Variants in SLC22A23 observed in about 807,000 individuals in gnomAD.
SLC22A23 encodes solute carrier family 22 member 23.
A neutral mutation model predicts 61.0 loss-of-function variants in SLC22A23; 26 were observed. The observed-to-expected ratio is 0.43, with a 90% CI of 0.31 to 0.59. SLC22A23 has a LOEUF of 0.59. SLC22A23 is among the 20% of genes least tolerant of loss of function. The pLI, the probability that SLC22A23 is intolerant of heterozygous loss-of-function variation, is 0.11. For missense variants in SLC22A23, 796 were observed against 934.7 expected, an observed-to-expected ratio of 0.85 and a Z score of 1.94; for synonymous variants, 430 against 413.9, an observed-to-expected ratio of 1.04 and a Z score of -0.47.
chr6:3,328,246 G>T lies in SLC22A23; in HGVS notation c.914-4244C>A, dbSNP rs1247010603. 6.6e-6 allele frequency among the ~76,000 whole-genome samples: 1 copy of T among 151,836 alleles called. No homozygotes were observed. The highest frequency in any genetic ancestry group is 2.4e-5 in the African/African-American group (1 of 41,284). On this transcript the variant is annotated intron_variant, in intron 3 of 9. Transcript: ENST00000406686. The surrounding 1 kb of genome is among the most constrained non-coding windows in gnomAD (Gnocchi z 5.0). The stretch of plus-strand genomic sequence containing the variant: ...TAGCTGAGACTGAACTGAGGCATTT[G>T]TTTAGTGAATCAACAGGGACCATGA...
chr6:3,277,476 G>A (rs1404090948), intron 9 of SLC22A23, among the ~76,000 whole-genome samples: 3 of 152,096 alleles, frequency 2.0e-5, no homozygotes, highest in African/African-American at 4.8e-5. Flanking sequence ...GAGCCACTAT[G>A]TGCGGGCTCC....
At chr6:3,442,340 C>G (rs1458006274) in intron 1 of SLC22A23, among the ~76,000 whole-genome samples, 1 of 152,164 alleles carries the variant, frequency 6.6e-6, no homozygotes, top group Non-Finnish European at 1.5e-5. Flanking sequence ...GATGATGGTG[C>G]CAGCTGCACA....
In SLC22A23 at chr6:3,320,342, T is replaced by C. The variant is rs112472037; in HGVS notation, c.1082+3492A>G. On this transcript the variant is annotated intron_variant, in intron 4 of 9. Coordinates refer to ENST00000406686, the MANE Select transcript of SLC22A23 (RefSeq NM_015482.2). ...CCAGAAGATCCCTTCTGGCCAGTCC[T>C]CACACGTTTGTCTTTACTGCCCCTA... is the stretch of plus-strand genomic sequence containing the variant. Among the ~76,000 whole-genome samples the C allele has an allele frequency of 1.5e-3, 229 of 152,316 alleles. 2 individuals carry two copies. The highest frequency in any genetic ancestry group is 4.9e-3 in the African/African-American group (203 of 41,566).
At chr6:3,320,763 A>G (rs1437336214) in intron 4 of SLC22A23, among the ~76,000 whole-genome samples, 1 of 152,072 alleles carries the variant, frequency 6.6e-6, no homozygotes, top group East Asian at 1.9e-4. Flanking sequence ...ATTTCTCACC[A>G]CCCACTTTTT....
intron 9 of SLC22A23, 162 bp downstream of exon 9, chr6:3,283,690 G>A (rs1298756671): frequency 1.9e-5 from 25 of 1,296,922 alleles, no homozygotes; most frequent in East Asian, 2.8e-5. Flanking sequence ...TGGGCGCCTC[G>A]GGGTTGGGTC....
chr6:3,287,303 G>A (rs188228534), intron 6 of SLC22A23, among the ~76,000 whole-genome samples: 39 of 152,356 alleles, frequency 2.6e-4, no homozygotes, highest in Admixed American at 6.5e-5. Context: ...TCCTGATGGA[G>A]GTCCAGGCTC....
At chr6:3,336,546 G>A (rs1227983705) in intron 3 of SLC22A23, among the ~76,000 whole-genome samples, 1 of 152,166 alleles carries the variant, frequency 6.6e-6, no homozygotes, top group Non-Finnish European at 1.5e-5. Flanking sequence ...ATAACTCAAT[G>A]TTCCTGGCAA....
At position 3,270,655 on chromosome 6, in the gene SLC22A23, CTT is replaced by C. The variant is rs1383471415; in HGVS notation, c.*2398_*2399del. ...AGGCTGTTTTCCTCAAAGCTAGCCT[CTT>C]TTCCAGTCATCGATGGATTAGTCCT... is the stretch of plus-strand genomic sequence containing the variant. On this transcript the variant is annotated 3_prime_UTR_variant, in exon 10 of 10. Transcript: ENST00000406686. 1 of 152,410 alleles carries C rather than the reference CTT, an allele frequency of 6.6e-6. No individual in the cohort carries two copies. Among genetic ancestry groups the C allele is most frequent in the Non-Finnish European group, 1.5e-5 (1 of 68,060 alleles). 9.4% of individuals were successfully genotyped at this position (152,410 alleles called of 1,614,324 possible).
At position 3,360,145 on chromosome 6, in the gene SLC22A23, T is replaced by C. The variant is rs1765345322; in HGVS notation, c.914-36143A>G. ...GAGTGTTTATTGGGGACAGAGTTTG[T>C]TTGGGAAGATGAAAAGACCTCTAGA... On this transcript the variant is annotated intron_variant, in intron 3 of 9. Transcript: ENST00000406686. The surrounding 1 kb of genome is among the most constrained non-coding windows in gnomAD (Gnocchi z 4.6). Among the ~76,000 whole-genome samples the C allele has an allele frequency of 6.6e-6, 1 of 152,134 alleles. No homozygotes were observed. Among genetic ancestry groups the C allele is most frequent in the Admixed American group, 6.5e-5 (1 of 15,278 alleles).
At chr6:3,406,630 A>C (rs1240294473) in intron 3 of SLC22A23, among the ~76,000 whole-genome samples, 2 of 152,118 alleles carry the variant, frequency 1.3e-5, no homozygotes, top group Non-Finnish European at 2.9e-5. Flanking sequence ...TCAGTGGCTC[A>C]CAAAGGTCTT....
At chr6:3,341,834 A>C (rs1306844606) in intron 3 of SLC22A23, among the ~76,000 whole-genome samples, 1 of 152,198 alleles carries the variant, frequency 6.6e-6, no homozygotes, top group Non-Finnish European at 1.5e-5. Flanking sequence ...AAAATTTCAG[A>C]CTGGGGCCAT....
Position 3,352,967 on chromosome 6 carries a change from G to A in SLC22A23, c.914-28965C>T, listed in dbSNP as rs146664098. On this transcript the variant is annotated intron_variant, in intron 3 of 9. Transcript: ENST00000406686. ...CAGCTTGTCCCAACAGGACTTTGTT[G>A]CTGAGGAACAGGGTCAAAATATGTA... is the stretch of plus-strand genomic sequence containing the variant. 3.3e-5 allele frequency among the ~76,000 whole-genome samples: 5 copies of A among 152,190 alleles called. 1 individual carries two copies. Among genetic ancestry groups the A allele is most frequent in the African/African-American group, 1.2e-4 (5 of 41,520 alleles).
intron 3 of SLC22A23, among the ~76,000 whole-genome samples, chr6:3,402,609 T>C (rs10900940): frequency 0.53 from 70,852 of 134,108 alleles, 18,415 homozygotes; most frequent in African/African-American, 0.72. Context: ...CAATCACCTA[T>C]ACTACCCAGA....
chr6:3,373,235 C>G (rs1766341928), intron 3 of SLC22A23, among the ~76,000 whole-genome samples: 1 of 152,206 alleles, frequency 6.6e-6, no homozygotes, highest in Non-Finnish European at 1.5e-5. Flanking sequence ...GGTAGACAAC[C>G]CTGGACATGT....
In SLC22A23 at chr6:3,328,278, C is replaced by T. The variant is rs1370361772; in HGVS notation, c.914-4276G>A. ...GAATCAACAGGGACCATGACTAAGT[C>T]TGAGCACAGAGGCCGCCCGGAGGCT... is the stretch of plus-strand genomic sequence containing the variant. On this transcript the variant is annotated intron_variant, in intron 3 of 9. Transcript: ENST00000406686. This position sits in a 1 kb window ranked among gnomAD's most constrained non-coding sequence, Gnocchi z 5.0. Among the ~76,000 whole-genome samples the T allele has an allele frequency of 6.6e-6, 1 of 152,014 alleles. No individual in the cohort carries two copies. Among genetic ancestry groups the T allele is most frequent in the Non-Finnish European group, 1.5e-5 (1 of 68,026 alleles).
chr6:3,314,100 T>C (rs962434460), intron 4 of SLC22A23, among the ~76,000 whole-genome samples: 1 of 152,224 alleles, frequency 6.6e-6, no homozygotes, highest in Non-Finnish European at 1.5e-5. Context: ...ATTGATCAGC[T>C]TAACCCATTT....
intron 3 of SLC22A23, among the ~76,000 whole-genome samples, chr6:3,391,242 C>T (rs1006712606): frequency 6.6e-6 from 1 of 152,224 alleles, no homozygotes; most frequent in African/African-American, 2.4e-5. Context: ...TTTATTCTTG[C>T]TGATATCAAT....
chr6:3,283,848 G>T lies in SLC22A23; in HGVS notation c.1703+4C>A, dbSNP rs750812000. ...CGTCCCCTGGGGTGTCTCCCATGACGCACCTTATCACCGTCGGGGTGATCT... is the reference window on the plus strand; with the variant it reads ...CGTCCCCTGGGGTGTCTCCCATGACTCACCTTATCACCGTCGGGGTGATCT... On this transcript the variant is annotated splice_donor_region_variant and intron_variant, in intron 9 of 9. Coordinates refer to ENST00000406686, the MANE Select transcript of SLC22A23 (RefSeq NM_015482.2). The T allele has an allele frequency of 6.2e-6, 10 of 1,613,318 alleles. No individual in the cohort carries two copies. The Admixed American group carries it at 1.3e-4, about 22-fold the overall frequency.
At chr6:3,282,212 G>T in intron 9 of SLC22A23, 1 of 702,594 alleles carries the variant, frequency 1.4e-6, no homozygotes, top group Non-Finnish European at 2.6e-6. Flanking sequence ...ATAAAGGAGA[G>T]AAATTTCACT....
Sources: allele counts gnomAD v4.1 joint callset (sites outside exome capture counted in the v4.1 genomes callset), GRCh38; gene constraint gnomAD v4.1.1; non-coding constraint Gnocchi (gnomAD v3.1); transcripts MANE v1.5; gene names NCBI Gene and HGNC (gene_info 2026-07-23, HGNC 2026-07-21).